Variants in DCDC2 observed in about 807,000 individuals in gnomAD.
DCDC2 encodes doublecortin domain-containing protein 2.
In DCDC2, 40 loss-of-function variants were observed where a neutral mutation model predicts 50.2. The ratio of observed to expected loss-of-function variants is 0.80; its 90% CI spans 0.62 to 1.04. DCDC2 has a LOEUF of 1.04. Ranked by LOEUF, DCDC2 falls within the 50% of genes least tolerant of loss-of-function variation. The pLI, the probability that DCDC2 is intolerant of heterozygous loss-of-function variation, is 0.00. For synonymous variants in DCDC2, 234 were observed against 210.6 expected (o/e 1.11, Z -0.96); for missense variants, 570 against 581.9 (o/e 0.98, Z 0.21).
chr6:24,344,315 T>A (rs979307633), intron 2 of DCDC2, among the ~76,000 whole-genome samples: 4 of 152,200 alleles, frequency 2.6e-5, no homozygotes, highest in Non-Finnish European at 5.9e-5. Flanking sequence ...ACAAGTGGTA[T>A]TTTACACATA....
At chr6:24,231,236 C>G (rs979253346) in intron 7 of DCDC2, among the ~76,000 whole-genome samples, 2 of 152,176 alleles carry the variant, frequency 1.3e-5, no homozygotes, top group Non-Finnish European at 2.9e-5. Flanking sequence ...GTGTGTCTCC[C>G]TCAGGAGAAT....
intron 2 of DCDC2, among the ~76,000 whole-genome samples, chr6:24,328,144 G>A (rs1395624189): frequency 1.3e-5 from 2 of 152,178 alleles, no homozygotes; most frequent in East Asian, 3.9e-4. Context: ...TTCTTCAAGG[G>A]CATACATCTC....
chr6:24,219,003 A>C (rs988817245), intron 7 of DCDC2, among the ~76,000 whole-genome samples: 1 of 152,170 alleles, frequency 6.6e-6, no homozygotes, highest in Admixed American at 6.5e-5. Flanking sequence ...TACTTGTTTT[A>C]ATCTGGGAGG....
At chr6:24,250,370 C>T (rs1762772130) in intron 7 of DCDC2, among the ~76,000 whole-genome samples, 1 of 152,172 alleles carries the variant, frequency 6.6e-6, no homozygotes, top group Non-Finnish European at 1.5e-5. Context: ...TCATCTGTGG[C>T]CAGTAATCAC....
intron 4 of DCDC2, among the ~76,000 whole-genome samples, chr6:24,300,242 AACAAAAGCTAGACGTT>A (rs1468734504): frequency 6.6e-6 from 1 of 151,996 alleles, no homozygotes; most frequent in African/African-American, 2.4e-5. Context: ...AGAAAAAAAA[AACAAAAGCTAGACGTT>A]GTGGTGCATG....
chr6:24,210,561 T>C (rs1388730512), intron 7 of DCDC2, among the ~76,000 whole-genome samples: 1 of 152,176 alleles, frequency 6.6e-6, no homozygotes, highest in Admixed American at 6.5e-5. Flanking sequence ...TTAAAATGTA[T>C]CTCAAATATA....
At chr6:24,342,909 A>T (rs1760185795) in intron 2 of DCDC2, among the ~76,000 whole-genome samples, 1 of 151,500 alleles carries the variant, frequency 6.6e-6, no homozygotes, top group African/African-American at 2.4e-5. Flanking sequence ...CAACATTTTT[A>T]CTCTTTTCAT....
chr6:24,204,085 C>T (rs1581584433), intron 8 of DCDC2, among the ~76,000 whole-genome samples: 1 of 152,042 alleles, frequency 6.6e-6, no homozygotes, highest in African/African-American at 2.4e-5. Context: ...GTGGCGATAC[C>T]TCAAGGATCT....
chr6:24,354,726 C>T (rs962923362), intron 1 of DCDC2, among the ~76,000 whole-genome samples: 3 of 152,024 alleles, frequency 2.0e-5, no homozygotes, highest in Non-Finnish European at 4.4e-5. Flanking sequence ...AGTCAACTTC[C>T]AACAATGCAC....
At chr6:24,214,140 G>A (rs1761930299) in intron 7 of DCDC2, among the ~76,000 whole-genome samples, 1 of 152,118 alleles carries the variant, frequency 6.6e-6, no homozygotes, top group South Asian at 2.1e-4. Context: ...ATTCTTAACT[G>A]TAGTTTGAAA....
the DCDC2 span, among the ~76,000 whole-genome samples, chr6:24,365,985 T>C: frequency 6.6e-6 from 1 of 151,842 alleles, no homozygotes; most frequent in Non-Finnish European, 1.5e-5. Flanking sequence ...GCCTGGCTAA[T>C]TTTTGTATTT....
chr6:24,332,467 T>C (rs993480334), intron 2 of DCDC2, among the ~76,000 whole-genome samples: 9 of 152,310 alleles, frequency 5.9e-5, no homozygotes, highest in Admixed American at 5.9e-4. Flanking sequence ...TCACCACTCA[T>C]GCATGTGTAA....
At chr6:24,258,412 G>T (rs1581616164) in intron 7 of DCDC2, among the ~76,000 whole-genome samples, 1 of 152,056 alleles carries the variant, frequency 6.6e-6, no homozygotes, top group South Asian at 2.1e-4. Context: ...CTTTTACAGA[G>T]TGCTAATTGG....
intron 4 of DCDC2, among the ~76,000 whole-genome samples, chr6:24,298,875 T>C (rs1759315803): frequency 6.6e-6 from 1 of 152,220 alleles, no homozygotes; most frequent in Admixed American, 6.5e-5. Flanking sequence ...TAAAGGCATT[T>C]GAAACTTAAT....
chr6:24,191,925 G>A (rs1761321528), intron 8 of DCDC2, among the ~76,000 whole-genome samples: 1 of 152,168 alleles, frequency 6.6e-6, no homozygotes, highest in African/African-American at 2.4e-5. Flanking sequence ...TGCAGAAAGG[G>A]AAGCCAAGAA....
intron 2 of DCDC2, among the ~76,000 whole-genome samples, chr6:24,316,486 G>T (rs1759665651): frequency 6.6e-6 from 1 of 152,086 alleles, no homozygotes; most frequent in Non-Finnish European, 1.5e-5. Flanking sequence ...AGATAAACGA[G>T]TAAGAAACAA....
intron 2 of DCDC2, among the ~76,000 whole-genome samples, chr6:24,316,867 A>AAAGACGATG (rs1270785665): frequency 3.3e-5 from 5 of 152,232 alleles, no homozygotes; most frequent in African/African-American, 1.2e-4. Flanking sequence ...AAATGATGAC[A>AAAGACGATG]AAGACGATGC....
intron 8 of DCDC2, among the ~76,000 whole-genome samples, chr6:24,191,153 C>A (rs188231408): frequency 6.6e-6 from 1 of 152,128 alleles, no homozygotes; most frequent in East Asian, 1.9e-4. Flanking sequence ...TCATTGAAGT[C>A]GATTTGGGGA....
intron 7 of DCDC2, among the ~76,000 whole-genome samples, chr6:24,206,384 A>T (rs977615649): frequency 6.6e-6 from 1 of 152,174 alleles, no homozygotes; most frequent in Non-Finnish European, 1.5e-5. Flanking sequence ...GAAAGAAGGA[A>T]GGAAGGAAAC....
Sources: gnomAD v4.1 joint callset for allele counts (sites outside exome capture counted in the v4.1 genomes callset) on GRCh38, gnomAD v4.1.1 for gene constraint, MANE v1.5 for transcripts, NCBI Gene and HGNC (gene_info 2026-07-23, HGNC 2026-07-21) for gene names.